TLE7: variants seen among roughly 807,000 people sequenced by gnomAD.
TLE7 encodes the protein TLE family member 7.
chr16:71,438,406 C>T (rs2042834495), intron 1 of TLE7, among the ~76,000 whole-genome samples: 1 of 105,362 alleles, frequency 9.5e-6, no homozygotes, highest in East Asian at 2.6e-4. Context: ...GCCTGGGTGA[C>T]AGAACGAGAC....
chr16:71,441,887 C>G (rs1485750890), intron 1 of TLE7, 82 bp downstream of exon 1: 1 of 152,390 alleles, frequency 6.6e-6, no homozygotes, highest in East Asian at 1.9e-4. Context: ...AGCCTGGGAG[C>G]ACGTGGGCCG....
chr16:71,441,530 G>T (rs1045595677), intron 1 of TLE7, among the ~76,000 whole-genome samples: 24 of 152,362 alleles, frequency 1.6e-4, no homozygotes, highest in African/African-American at 5.8e-4. Flanking sequence ...GGTCGGGCAG[G>T]GTCCAGCCCT....
rs1165809283 is a variant in TLE7, at chr16:71,432,725, T to C, written c.335-2A>G. ...GAGAGGAAGAAGAGTAAGGCTGGCC[T>C]GCAGGGAAAGAGCAATGCCCACCTG... is the stretch of plus-strand genomic sequence containing the variant. On this transcript the variant is annotated splice_acceptor_variant, in intron 3 of 9. Transcript: ENST00000561754. LOFTEE classifies it high-confidence loss of function. The C allele has an allele frequency of 2.5e-6, 1 of 398,780 alleles. No homozygotes were observed. Among genetic ancestry groups the C allele is most frequent in the Admixed American group, 4.4e-5 (1 of 22,746 alleles). 24.7% of individuals were successfully genotyped at this position (398,780 alleles called of 1,614,324 possible). A position where few individuals can be genotyped will look rare whatever the true frequency, so the allele number is the denominator to read the frequency against.
rs115542236 is a variant in TLE7, at chr16:71,441,605, G to A, written c.-97+364C>T. On this transcript the variant is annotated intron_variant, in intron 1 of 9. Coordinates refer to ENST00000561754, the MANE Select transcript of TLE7 (RefSeq NM_001367365.2). ...CTCCCGCGCTCCCGGAAAGCGGGCA[G>A]GGGTGCAGCGAGCGCGCCGGCCGCC... 3.6e-3 allele frequency among the ~76,000 whole-genome samples: 546 copies of A among 152,350 alleles called. 7 individuals carry two copies. The highest frequency in any genetic ancestry group is 0.012 in the African/African-American group (500 of 41,590).
Position 71,433,164 on chromosome 16 carries a change from G to A in TLE7, c.161C>T (p.Pro54Leu), listed in dbSNP as rs1025405759. ...GSLLGVPWQP[P>L]GPPIQHSPAD... Reference sequence around the variant, plus strand: ...AGGGCTGTGCTGTATTGGGGGGCCCGGGGGCTGCCAGGGCACTCCCAACAG... The same window carrying A: ...AGGGCTGTGCTGTATTGGGGGGCCCAGGGGCTGCCAGGGCACTCCCAACAG... Residue 54 changes from proline to leucine, a missense_variant, in exon 2 of 10, where the codon CCG (proline) becomes CTG (leucine). Physicochemically the swap from Pro to Leu is moderately conservative, Grantham distance 98. Transcript: ENST00000561754. The A allele has an allele frequency of 6.3e-5, 25 of 398,704 alleles. No homozygotes were observed. Among genetic ancestry groups the A allele is most frequent in the Middle Eastern group, 6.3e-4 (1 of 1,588 alleles). 24.7% of individuals were successfully genotyped at this position (398,704 alleles called of 1,614,324 possible).
chr16:71,432,697 T>G lies in TLE7; in HGVS notation c.361A>C (p.Ser121Arg), dbSNP rs938930649. The G allele has an allele frequency of 2.5e-6, 1 of 398,692 alleles. No individual in the cohort carries two copies. Among genetic ancestry groups the G allele is most frequent in the Non-Finnish European group, 4.4e-6 (1 of 226,128 alleles). The allele number at this position is 398,692 out of a possible 1,614,324, so 24.7% of individuals were successfully genotyped here. A position where few individuals can be genotyped will look rare whatever the true frequency, so the allele number is the denominator to read the frequency against. The change falls in exon 4 of 10, where the codon AGT becomes CGT. Residue 121 changes from serine (S) to arginine (R), a missense_variant. Transcript: ENST00000561754. ...VGQPYSSSSPSEEVLSLLRAI... is the reference protein window; with the variant it reads ...VGQPYSSSSPREEVLSLLRAI... ...CTGAGCAATGAGAGGACTTCTTCAC[T>G]GGGAGAGGAAGAAGAGTAAGGCTGG...
intron 1 of TLE7, among the ~76,000 whole-genome samples, chr16:71,433,643 A>C (rs1011344785): frequency 2.6e-5 from 4 of 152,162 alleles, no homozygotes; most frequent in Non-Finnish European, 5.9e-5. Flanking sequence ...ATGCAAATGG[A>C]CTGTATTTCT....
Position 71,430,307 on chromosome 16 carries a change from G to A in TLE7, c.1281C>T (p.Val427=), listed in dbSNP as rs2042796654. The part of the protein sequence containing the change: ...CDVSSDNQYL[V]MGSSSSATIY... ...TGGTGGCACTGCTGCTAGAGCCCAT[G>A]ACCAGATACTGGTTGTCAGAGGACA... is the stretch of plus-strand genomic sequence containing the variant. The change falls in exon 10 of 10, where the codon GTC becomes GTT. Residue 427 remains valine (V), a synonymous_variant. Transcript: ENST00000561754. 7.5e-6 allele frequency: 3 copies of A among 398,542 alleles called. No individual in the cohort carries two copies. The highest frequency in any genetic ancestry group is 1.3e-5 in the Non-Finnish European group (3 of 226,132). 24.7% of individuals were successfully genotyped at this position (398,542 alleles called of 1,614,324 possible). A position where few individuals can be genotyped will look rare whatever the true frequency, so the allele number is the denominator to read the frequency against.
At chr16:71,432,510 C>G (rs2042809964) in intron 4 of TLE7, among the ~76,000 whole-genome samples, 155 bp downstream of exon 4, 1 of 152,192 alleles carries the variant, frequency 6.6e-6, no homozygotes, top group Non-Finnish European at 1.5e-5. Flanking sequence ...GACCCTACTT[C>G]TCAGGATGGG....
chr16:71,430,900 C>T (rs1446334470), intron 8 of TLE7, among the ~76,000 whole-genome samples, 159 bp from the exon 9 acceptor site: 1 of 152,190 alleles, frequency 6.6e-6, no homozygotes, highest in Non-Finnish European at 1.5e-5. Flanking sequence ...TTCCCCCACC[C>T]TCCTACCACA....
In TLE7 at chr16:71,431,326, C is replaced by T; in HGVS notation, c.994-52G>A. ...AGCACTCAAAGTTGCCAACGCCATC[C>T]TTTGTGCCCACCTCTCAAGCTCACA... is the stretch of plus-strand genomic sequence containing the variant. On this transcript the variant is annotated intron_variant, in intron 7 of 9. Transcript: ENST00000561754. The surrounding 1 kb of genome is among the most constrained non-coding windows in gnomAD (Gnocchi z 4.5). The T allele has an allele frequency of 2.5e-6, 1 of 399,284 alleles. No individual in the cohort carries two copies. 24.7% of individuals were successfully genotyped at this position (399,284 alleles called of 1,614,324 possible).
intron 1 of TLE7, among the ~76,000 whole-genome samples, chr16:71,439,109 A>G (rs1054670021): frequency 6.6e-6 from 1 of 152,162 alleles, no homozygotes. Context: ...AGAGCTGACC[A>G]TGACCCGTGT....
intron 9 of TLE7, 111 bp from the exon 10 acceptor site, chr16:71,430,477 G>T: frequency 2.5e-6 from 1 of 398,088 alleles, no homozygotes; most frequent in Non-Finnish European, 4.4e-6. Context: ...GTGGAGGACA[G>T]GGCCAGGTCT....
chr16:71,435,877 C>T (rs1195703169), intron 1 of TLE7, among the ~76,000 whole-genome samples: 1 of 152,114 alleles, frequency 6.6e-6, no homozygotes, highest in African/African-American at 2.4e-5. Flanking sequence ...GCAGAGACCA[C>T]CACTGCTCAG....
rs1310186511 is a variant in TLE7, at chr16:71,430,502, A to G, written c.1222-136T>C. 1.5e-5 allele frequency: 6 copies of G among 397,798 alleles called. No homozygotes were observed. In the East Asian group the frequency reaches 2.1e-4, roughly 14 times the overall value. 24.6% of individuals were successfully genotyped at this position (397,798 alleles called of 1,614,324 possible). On this transcript the variant is annotated intron_variant, in intron 9 of 9. Coordinates refer to ENST00000561754, the MANE Select transcript of TLE7 (RefSeq NM_001367365.2). ...GGGCCAGGTCTCAGGGATCAAGGTG[A>G]CTTGGGAGTTCATAGGATGTGAAGT...
At chr16:71,435,671 A>G (rs2042823486) in intron 1 of TLE7, among the ~76,000 whole-genome samples, 1 of 152,270 alleles carries the variant, frequency 6.6e-6, no homozygotes, top group Non-Finnish European at 1.5e-5. Context: ...TGCATAACTC[A>G]GTACCTTTTC....
At position 71,435,975 on chromosome 16, in the gene TLE7, T is replaced by C. The variant is rs74028731; in HGVS notation, c.-96-2555A>G. On this transcript the variant is annotated intron_variant, in intron 1 of 9. Transcript: ENST00000561754. Reference sequence around the variant, plus strand: ...CTCCAAATTTGCCAGAATTTCACCCTAAGAATAAAACAAGGCTTTCTAGAA... The same window carrying C: ...CTCCAAATTTGCCAGAATTTCACCCCAAGAATAAAACAAGGCTTTCTAGAA... Among the ~76,000 whole-genome samples, 618 of 152,270 alleles carry C rather than the reference T, an allele frequency of 4.1e-3. 7 individuals carry two copies. The highest frequency in any genetic ancestry group is 0.013 in the African/African-American group (529 of 41,562).
At chr16:71,440,519 T>G (rs975229935) in intron 1 of TLE7, among the ~76,000 whole-genome samples, 1 of 152,202 alleles carries the variant, frequency 6.6e-6, no homozygotes, top group African/African-American at 2.4e-5. Context: ...TTTCATGTTA[T>G]GTGTATTTTA....
chr16:71,442,027 G>T lies in TLE7; in HGVS notation c.-155C>A, dbSNP rs2042851083. 1 of 152,496 alleles carries T rather than the reference G, an allele frequency of 6.6e-6. No homozygotes were observed. Among genetic ancestry groups the T allele is most frequent in the Admixed American group, 6.5e-5 (1 of 15,294 alleles). The allele number at this position is 152,496 out of a possible 1,614,324, so 9.4% of individuals were successfully genotyped here. ...CAGAGGACGGAGGCTTGGTGCCGCAGGGCAGTCGGGAAGGCTTCCTGGAGG... is the reference window on the plus strand; with the variant it reads ...CAGAGGACGGAGGCTTGGTGCCGCATGGCAGTCGGGAAGGCTTCCTGGAGG... On this transcript the variant is annotated 5_prime_UTR_variant, in exon 1 of 10. The change creates a new upstream start codon in the 5' untranslated region. Transcript: ENST00000561754.
Sources: gnomAD v4.1 joint callset for allele counts (sites outside exome capture counted in the v4.1 genomes callset) on GRCh38, gnomAD v4.1.1 for gene constraint, Gnocchi (gnomAD v3.1) non-coding constraint, MANE v1.5 for transcripts, NCBI Gene and HGNC (gene_info 2026-07-23, HGNC 2026-07-21) for gene names.